Variants in COP1 observed in about 807,000 individuals in gnomAD.
The protein encoded by COP1 is E3 ubiquitin-protein ligase COP1.
COP1 carries 24 observed loss-of-function variants against 101.3 expected under a neutral mutation model. The ratio of observed to expected loss-of-function variants is 0.24; its 90% CI spans 0.17 to 0.33. The LOEUF is 0.33. COP1 is among the 10% of genes least tolerant of loss of function. The pLI is 1.00. For synonymous variants in COP1, 347 were observed against 341.9 expected, an observed-to-expected ratio of 1.01 and a Z score of -0.17; for missense variants, 663 against 906.2, an observed-to-expected ratio of 0.73 and a Z score of 3.45.
chr1:176,005,033 T>A (rs1319640294), intron 15 of COP1, among the ~76,000 whole-genome samples: 1 of 152,200 alleles, frequency 6.6e-6, no homozygotes, highest in Non-Finnish European at 1.5e-5. Flanking sequence ...TTTCAGAGCC[T>A]GTTATTGGTC....
intron 11 of COP1, among the ~76,000 whole-genome samples, chr1:176,068,345 G>A (rs916675251): frequency 6.6e-6 from 1 of 151,936 alleles, no homozygotes; most frequent in Admixed American, 6.6e-5. Flanking sequence ...TATAAACCTG[G>A]AAATTGCTAG....
intron 3 of COP1, among the ~76,000 whole-genome samples, chr1:176,174,816 A>C (rs986468410): frequency 6.6e-6 from 1 of 152,150 alleles, no homozygotes; most frequent in African/African-American, 2.4e-5. Flanking sequence ...ATATAATCCC[A>C]AGAGTGCCCT....
intron 11 of COP1, among the ~76,000 whole-genome samples, chr1:176,067,797 ACCAAAACAGCATT>A (rs1200099527): frequency 6.6e-6 from 1 of 152,158 alleles, no homozygotes; most frequent in African/African-American, 2.4e-5. Context: ...AGATGGCAAA[ACCAAAACAGCATT>A]CTATAACACA....
intron 9 of COP1, among the ~76,000 whole-genome samples, chr1:176,105,945 A>C (rs1684222405): frequency 6.6e-6 from 1 of 152,196 alleles, no homozygotes; most frequent in African/African-American, 2.4e-5. Context: ...TCTTACTTCT[A>C]ACCTCCAAGC....
chr1:176,016,322 G>C (rs191688213), intron 15 of COP1, among the ~76,000 whole-genome samples: 4 of 152,006 alleles, frequency 2.6e-5, no homozygotes, highest in Admixed American at 2.6e-4. Flanking sequence ...AGATGGGAGA[G>C]GTGAAAAAAA....
intron 6 of COP1, among the ~76,000 whole-genome samples, chr1:176,148,211 T>C (rs1000655454): frequency 3.9e-5 from 6 of 152,092 alleles, no homozygotes. Context: ...ATAAAAAATA[T>C]TTAGCTATTC....
intron 1 of COP1, among the ~76,000 whole-genome samples, chr1:176,206,026 A>G (rs1700807812): frequency 6.6e-6 from 1 of 152,232 alleles, no homozygotes; most frequent in Non-Finnish European, 1.5e-5. Flanking sequence ...TACATACGAT[A>G]GGTACTTACA....
chr1:175,962,095 T>C (rs1651446702), intron 18 of COP1, among the ~76,000 whole-genome samples: 1 of 151,750 alleles, frequency 6.6e-6, no homozygotes, highest in Non-Finnish European at 1.5e-5. Flanking sequence ...TGACTGCCTT[T>C]ATGCAAAAAA....
intron 18 of COP1, among the ~76,000 whole-genome samples, chr1:175,955,790 A>ACACACACACACG (rs1265467786): frequency 6.6e-6 from 1 of 151,416 alleles, no homozygotes. Context: ...ACACACACAC[A>ACACACACACACG]CACACACACA....
At chr1:176,197,809 T>C (rs1699854485) in intron 1 of COP1, among the ~76,000 whole-genome samples, 1 of 152,168 alleles carries the variant, frequency 6.6e-6, no homozygotes, top group African/African-American at 2.4e-5. Context: ...AACTAGTAAG[T>C]AAACTTAAAA....
At chr1:176,034,432 A>G (rs1276116459) in intron 14 of COP1, among the ~76,000 whole-genome samples, 2 of 152,218 alleles carry the variant, frequency 1.3e-5, no homozygotes, top group Non-Finnish European at 2.9e-5. Context: ...CATCTGTGAT[A>G]TAACGAATAT....
At chr1:176,191,203 T>G (rs1302388362) in intron 1 of COP1, among the ~76,000 whole-genome samples, 1 of 152,062 alleles carries the variant, frequency 6.6e-6, no homozygotes, top group East Asian at 1.9e-4. Context: ...ATAAATTATT[T>G]GTCCAAAGTT....
chr1:176,064,508 C>T (rs1038919060), intron 11 of COP1, among the ~76,000 whole-genome samples: 3 of 152,134 alleles, frequency 2.0e-5, no homozygotes, highest in African/African-American at 7.2e-5. Context: ...GTGAATAGCC[C>T]TATCAACATT....
intron 15 of COP1, among the ~76,000 whole-genome samples, chr1:175,990,257 A>T (rs985695098): frequency 6.6e-6 from 1 of 152,092 alleles, no homozygotes; most frequent in Non-Finnish European, 1.5e-5. Context: ...CAGATGTCTC[A>T]AAGTAACTAT....
intron 8 of COP1, among the ~76,000 whole-genome samples, chr1:176,121,853 G>A (rs1031076688): frequency 1.3e-5 from 2 of 151,530 alleles, no homozygotes; most frequent in Admixed American, 6.6e-5. Context: ...AATATAGTGT[G>A]GCCTTAAAAA....
At chr1:176,088,055 G>T (rs1221710055) in intron 9 of COP1, among the ~76,000 whole-genome samples, 1 of 152,108 alleles carries the variant, frequency 6.6e-6, no homozygotes, top group South Asian at 2.1e-4. Flanking sequence ...ACTGAACAAT[G>T]AGAATACTTG....
intron 18 of COP1, among the ~76,000 whole-genome samples, chr1:175,981,957 A>T (rs1459783177): frequency 1.3e-5 from 2 of 152,158 alleles, no homozygotes; most frequent in African/African-American, 4.8e-5. Flanking sequence ...CAACTGCTAG[A>T]ATTTCTATCA....
At chr1:176,105,021 A>G (rs2149524328) in intron 9 of COP1, among the ~76,000 whole-genome samples, 1 of 152,350 alleles carries the variant, frequency 6.6e-6, no homozygotes, top group Admixed American at 6.5e-5. Context: ...ATTGTTAAAT[A>G]AAGTACAGAA....
intron 9 of COP1, among the ~76,000 whole-genome samples, chr1:176,107,755 T>A (rs992360932): frequency 6.6e-6 from 1 of 152,146 alleles, no homozygotes; most frequent in Non-Finnish European, 1.5e-5. Flanking sequence ...AAAGTTAACA[T>A]CACCAGCACT....
Sources: gnomAD v4.1 joint callset for allele counts (sites outside exome capture counted in the v4.1 genomes callset) on GRCh38, gnomAD v4.1.1 for gene constraint, MANE v1.5 for transcripts, NCBI Gene and HGNC (gene_info 2026-07-23, HGNC 2026-07-21) for gene names.